Variants in RANBP2 observed in about 807,000 individuals in gnomAD.
RANBP2 encodes RAN binding protein 2, also known as E3 SUMO-protein ligase RanBP2.
Under a neutral mutation model 303.6 loss-of-function variants are expected in RANBP2, and 57 were observed. That is an observed-to-expected ratio of 0.19 (90% confidence interval 0.15 to 0.23). The LOEUF is 0.23. Among genes scored for constraint, RANBP2 ranks in the 10% least tolerant of loss-of-function variants. RANBP2 has a pLI of 1.00. For missense variants in RANBP2, 3,138 were observed against 3,780.8 expected (o/e 0.83, Z 4.46); for synonymous variants, 1,167 against 1,301.5 (o/e 0.90, Z 2.23).
At chr2:109,424,755 C>T in the RANBP2 span, among the ~76,000 whole-genome samples, 8 of 152,150 alleles carry the variant, frequency 5.3e-5, no homozygotes, top group Non-Finnish European at 7.3e-5. Flanking sequence ...ACGGACCCAC[C>T]GTTTCCCCCA....
At chr2:109,383,024 G>A in the RANBP2 span, among the ~76,000 whole-genome samples, 4 of 152,242 alleles carry the variant, frequency 2.6e-5, no homozygotes, top group African/African-American at 7.2e-5. Flanking sequence ...GCCTTAGGAA[G>A]TACCATCCAC....
chr2:109,696,293 T>G, the RANBP2 span, among the ~76,000 whole-genome samples: 1 of 152,226 alleles, frequency 6.6e-6, no homozygotes, highest in Non-Finnish European at 1.5e-5. Context: ...CCAGATTTTC[T>G]TCAGAAATTA....
chr2:109,356,478 G>A, the RANBP2 span, among the ~76,000 whole-genome samples: 18 of 152,170 alleles, frequency 1.2e-4, no homozygotes, highest in Non-Finnish European at 2.2e-4. Context: ...GGTTTTAGAT[G>A]CCACATATGG....
chr2:109,194,738 G>A, the RANBP2 span, among the ~76,000 whole-genome samples: 1 of 152,176 alleles, frequency 6.6e-6, no homozygotes, highest in African/African-American at 2.4e-5. Context: ...CTGCAGGCCG[G>A]GGATGCTTCC....
At chr2:109,101,093 A>G in the RANBP2 span, among the ~76,000 whole-genome samples, 1 of 152,214 alleles carries the variant, frequency 6.6e-6, no homozygotes, top group African/African-American at 2.4e-5. Flanking sequence ...GTGAGTAGAA[A>G]GGGAAACAGA....
At chr2:109,273,157 A>G in the RANBP2 span, among the ~76,000 whole-genome samples, 2 of 152,232 alleles carry the variant, frequency 1.3e-5, no homozygotes, top group Non-Finnish European at 2.9e-5. Flanking sequence ...TCCGCTGTAC[A>G]GGAAATTAAG....
the RANBP2 span, among the ~76,000 whole-genome samples, chr2:109,681,368 TG>T: frequency 3.9e-5 from 6 of 152,330 alleles, no homozygotes; most frequent in Admixed American, 3.9e-4. Flanking sequence ...AATTCTTATT[TG>T]TACACGTATT....
chr2:108,764,844 C>T lies in RANBP2; in HGVS notation c.4305C>T (p.Cys1435=). The T allele has an allele frequency of 6.2e-7, 1 of 1,613,990 alleles. No individual in the cohort carries two copies. Residue 1435 remains cysteine, a synonymous_variant, in exon 20 of 29, where the codon TGC becomes TGT. Coordinates refer to ENST00000283195, the MANE Select transcript of RANBP2 (RefSeq NM_006267.5). ...GAAATGAACCTACTGTATCTAGGTGCATTGCGTGTCAGAATACAAAATCTG... is the reference window on the plus strand; with the variant it reads ...GAAATGAACCTACTGTATCTAGGTGTATTGCGTGTCAGAATACAAAATCTG... The part of the protein sequence containing the change: ...LVRNEPTVSR[C]IACQNTKSAN...
chr2:109,708,380 G>C, the RANBP2 span, among the ~76,000 whole-genome samples: 1 of 151,526 alleles, frequency 6.6e-6, no homozygotes, highest in Non-Finnish European at 1.5e-5. Context: ...AAATAAGGCC[G>C]AGTGTGGTGG....
At chr2:109,084,470 T>C in the RANBP2 span, among the ~76,000 whole-genome samples, 1 of 152,314 alleles carries the variant, frequency 6.6e-6, no homozygotes, top group South Asian at 2.1e-4. Context: ...ATGACAGGCC[T>C]GAGGAGCCCT....
the RANBP2 span, among the ~76,000 whole-genome samples, chr2:109,072,409 G>A: frequency 1.3e-5 from 2 of 152,190 alleles, no homozygotes; most frequent in African/African-American, 4.8e-5. Flanking sequence ...TCACCATGGA[G>A]TCCTGGATAC....
At chr2:109,490,652 CAAG>C in the RANBP2 span, 8 of 1,506,120 alleles carry the variant, frequency 5.3e-6, no homozygotes, top group South Asian at 2.4e-5. Context: ...GAGCATCCAC[CAAG>C]AAGAAGTCAC....
the RANBP2 span, among the ~76,000 whole-genome samples, chr2:109,067,769 A>G: frequency 6.6e-6 from 1 of 152,182 alleles, no homozygotes; most frequent in African/African-American, 2.4e-5. Context: ...TCTTGGATTC[A>G]TTTCTCCCTC....
chr2:109,398,601 C>T, the RANBP2 span: 10,586 of 1,568,844 alleles, frequency 6.7e-3, 78 homozygotes, highest in South Asian at 0.023. Context: ...TCAATGACTC[C>T]GCCAAGCAGC....
At chr2:109,531,445 A>C in the RANBP2 span, among the ~76,000 whole-genome samples, 1 of 152,178 alleles carries the variant, frequency 6.6e-6, no homozygotes, top group African/African-American at 2.4e-5. Flanking sequence ...GCTGACCCAC[A>C]AGACTTCTGA....
chr2:108,781,891 A>C (rs1272565901), intron 26 of RANBP2, among the ~76,000 whole-genome samples: 1 of 152,214 alleles, frequency 6.6e-6, no homozygotes, highest in Admixed American at 6.5e-5. Context: ...AAAGCATTTA[A>C]TTTCCAAAGG....
chr2:109,306,000 C>T, the RANBP2 span, among the ~76,000 whole-genome samples: 1 of 152,230 alleles, frequency 6.6e-6, no homozygotes, highest in Non-Finnish European at 1.5e-5. Flanking sequence ...CTGGGCATTA[C>T]AGAGCTACAG....
At chr2:109,093,431 A>G in the RANBP2 span, among the ~76,000 whole-genome samples, 6 of 150,178 alleles carry the variant, frequency 4.0e-5, no homozygotes, top group African/African-American at 7.3e-5. Flanking sequence ...AAAAAGAAAG[A>G]AAAAAAAAGA....
chr2:109,177,804 A>G, the RANBP2 span, among the ~76,000 whole-genome samples: 2 of 152,244 alleles, frequency 1.3e-5, no homozygotes, highest in Middle Eastern at 3.2e-3. Flanking sequence ...CCTATTAGAC[A>G]AGGCAATTTG....
Sources: gnomAD v4.1 joint callset for allele counts (sites outside exome capture counted in the v4.1 genomes callset) on GRCh38, gnomAD v4.1.1 for gene constraint, MANE v1.5 for transcripts, NCBI Gene and HGNC (gene_info 2026-07-23, HGNC 2026-07-21) for gene names.